The following SCHIP1 variants were observed in gnomAD, a reference collection of about 807,000 sequenced individuals.
The protein encoded by SCHIP1 is schwannomin-interacting protein 1.
Under a neutral mutation model 29.7 loss-of-function variants are expected in SCHIP1, and 8 were observed. The observed-to-expected ratio is 0.27, with a 90% CI of 0.16 to 0.49. The LOEUF is 0.49. Ranked by LOEUF, SCHIP1 falls within the 20% of genes least tolerant of loss-of-function variation. The pLI is 0.99. For missense variants in SCHIP1, 193 were observed against 294.6 expected (o/e 0.66, Z 2.52); for synonymous variants, 76 against 94.9 (o/e 0.80, Z 1.16).
the SCHIP1 span, among the ~76,000 whole-genome samples, chr3:159,620,347 T>C: frequency 6.6e-6 from 1 of 152,124 alleles, no homozygotes; most frequent in Non-Finnish European, 1.5e-5. Flanking sequence ...GGAAACAGGA[T>C]AAGAAAAATG....
chr3:159,634,159 T>C, the SCHIP1 span, among the ~76,000 whole-genome samples: 3 of 152,118 alleles, frequency 2.0e-5, no homozygotes, highest in Non-Finnish European at 4.4e-5. Flanking sequence ...ATGTTTAAAA[T>C]GTGTTACATA....
chr3:159,648,226 A>C, the SCHIP1 span, among the ~76,000 whole-genome samples: 2 of 151,600 alleles, frequency 1.3e-5, no homozygotes, highest in Non-Finnish European at 2.9e-5. Flanking sequence ...CCTTGACAGA[A>C]AGTTAGGGTG....
chr3:159,758,293 T>C, the SCHIP1 span, among the ~76,000 whole-genome samples: 5 of 152,010 alleles, frequency 3.3e-5, no homozygotes, highest in Non-Finnish European at 7.4e-5. Context: ...GCTGGGATTA[T>C]AGGTGCCCGC....
upstream of SCHIP1, among the ~76,000 whole-genome samples, chr3:159,835,337 A>G (rs1743562963): frequency 6.6e-6 from 1 of 152,202 alleles, no homozygotes; most frequent in Non-Finnish European, 1.5e-5. Flanking sequence ...AACTGACTGG[A>G]AGGGGCATAT....
the SCHIP1 span, among the ~76,000 whole-genome samples, chr3:159,582,972 A>G: frequency 2.6e-5 from 4 of 151,980 alleles, no homozygotes; most frequent in Admixed American, 2.6e-4. Flanking sequence ...AAATTGGTTA[A>G]CTCAATTTTA....
At chr3:159,779,929 AT>A in the SCHIP1 span, among the ~76,000 whole-genome samples, 1 of 152,138 alleles carries the variant, frequency 6.6e-6, no homozygotes. Flanking sequence ...GATGGGACAT[AT>A]TGGAAATACC....
At chr3:159,461,026 G>A in the SCHIP1 span, among the ~76,000 whole-genome samples, 2 of 151,994 alleles carry the variant, frequency 1.3e-5, no homozygotes, top group East Asian at 3.9e-4. Context: ...GGAACTTGAG[G>A]GCTATGTAGC....
chr3:159,843,895 A>G (rs1015384021), intron 1 of SCHIP1, among the ~76,000 whole-genome samples: 4 of 149,342 alleles, frequency 2.7e-5, no homozygotes, highest in Admixed American at 1.3e-4. Flanking sequence ...TATGACTTTC[A>G]GTCCTACTCC....
chr3:159,532,782 A>G, the SCHIP1 span, among the ~76,000 whole-genome samples: 3 of 152,178 alleles, frequency 2.0e-5, no homozygotes, highest in Admixed American at 2.0e-4. Context: ...GACTTTGTTG[A>G]TGACATCACT....
At chr3:159,721,435 T>C in the SCHIP1 span, 1 of 152,388 alleles carries the variant, frequency 6.6e-6, no homozygotes. Context: ...TAATGGCAAA[T>C]GAGCATGCTT....
chr3:159,397,824 A>G, the SCHIP1 span, among the ~76,000 whole-genome samples: 1 of 152,238 alleles, frequency 6.6e-6, no homozygotes, highest in Non-Finnish European at 1.5e-5. Context: ...GCAGGCAGGC[A>G]GGCCTCTTTG....
the SCHIP1 span, among the ~76,000 whole-genome samples, chr3:159,718,410 G>A: frequency 6.6e-6 from 1 of 152,096 alleles, no homozygotes. Flanking sequence ...AGAAATAAAG[G>A]GTATTCAGTT....
the SCHIP1 span, among the ~76,000 whole-genome samples, chr3:159,648,887 G>A: frequency 2.6e-5 from 4 of 151,884 alleles, no homozygotes; most frequent in African/African-American, 7.3e-5. Context: ...TGGGGAAAGA[G>A]AGAGAGAGAG....
chr3:159,866,309 G>A lies in SCHIP1; in HGVS notation c.149+28G>A, dbSNP rs777397480. 1.9e-6 allele frequency: 3 copies of A among 1,593,766 alleles called. No homozygotes were observed. In the African/African-American group the frequency reaches 4.0e-5, roughly 21 times the overall value. The stretch of plus-strand genomic sequence containing the variant: ...GAGTGTTCTTTTGAGTTGAATTTCT[G>A]ATATGTACACAGTGGATTCTGTCAC... On this transcript the variant is annotated intron_variant, in intron 2 of 6. Transcript: ENST00000445224.
At chr3:159,630,567 T>G in the SCHIP1 span, among the ~76,000 whole-genome samples, 1 of 152,164 alleles carries the variant, frequency 6.6e-6, no homozygotes, top group Admixed American at 6.6e-5. Flanking sequence ...TTATTCTAAA[T>G]GAAGTAACTC....
At chr3:159,318,023 G>T in the SCHIP1 span, among the ~76,000 whole-genome samples, 2 of 152,172 alleles carry the variant, frequency 1.3e-5, no homozygotes, top group African/African-American at 2.4e-5. Context: ...CTCAGGAGTG[G>T]CTGTAGCCAG....
At chr3:159,440,278 C>G in the SCHIP1 span, among the ~76,000 whole-genome samples, 1 of 152,086 alleles carries the variant, frequency 6.6e-6, no homozygotes, top group East Asian at 1.9e-4. Context: ...TGCATCTGTT[C>G]TTGTACCAGT....
rs564338925 is a variant in SCHIP1, at chr3:159,861,620, G to A, written c.31-4543G>A. Among the ~76,000 whole-genome samples, 19 of 152,268 alleles carry A rather than the reference G, an allele frequency of 1.2e-4. No individual in the cohort carries two copies. The highest frequency in any genetic ancestry group is 2.9e-4 in the African/African-American group (12 of 41,528). On this transcript the variant is annotated intron_variant, in intron 1 of 6. Coordinates refer to ENST00000445224, the Ensembl canonical transcript of SCHIP1. This position sits in a 1 kb window ranked among gnomAD's most constrained non-coding sequence, Gnocchi z 4.1. ...CAAAAACTTCCTGGGGCTGAATAGC[G>A]GTGAGTTTCTAATCACATTTTTACT...
At chr3:159,588,307 A>G in the SCHIP1 span, among the ~76,000 whole-genome samples, 39 of 151,656 alleles carry the variant, frequency 2.6e-4, no homozygotes, top group African/African-American at 8.7e-4. Flanking sequence ...CCCACTTTTG[A>G]ATGAGGTTGT....
Sources: gnomAD v4.1 joint callset for allele counts (sites outside exome capture counted in the v4.1 genomes callset) on GRCh38, gnomAD v4.1.1 for gene constraint, Gnocchi (gnomAD v3.1) non-coding constraint, MANE v1.5 for transcripts, NCBI Gene and HGNC (gene_info 2026-07-23, HGNC 2026-07-21) for gene names.